BRAT1: variants seen among roughly 807,000 people sequenced by gnomAD.
BRAT1 encodes the protein integrator complex assembly factor BRAT1.
BRAT1 carries 74 observed loss-of-function variants against 70.6 expected under a neutral mutation model. That is an observed-to-expected ratio of 1.05 (90% CI 0.87 to 1.27). The LOEUF (loss-of-function observed/expected upper bound fraction) is 1.27, where lower values mean the gene tolerates loss of function less well. Among genes scored for constraint, BRAT1 ranks in the 50% most tolerant of loss-of-function variants. The pLI, the probability that BRAT1 is intolerant of heterozygous loss-of-function variation, is 0.00. For synonymous variants in BRAT1, 615 were observed against 517.1 expected (o/e 1.19, Z -2.57); for missense variants, 1,203 against 1,098.2 (o/e 1.10, Z -1.35).
chr7:2,540,080 G>A lies in BRAT1; in HGVS notation c.1396-192C>T, dbSNP rs1779031189. On this transcript the variant is annotated intron_variant, in intron 10 of 13. Coordinates refer to ENST00000340611, the MANE Select transcript of BRAT1 (RefSeq NM_152743.4). ...CTCAATGTGTCATCCAGGCTGGACT[G>A]CAATCACAGTTCACTGCAGCCTCCA... 3 of 531,760 alleles carry A rather than the reference G, an allele frequency of 5.6e-6. No individual in the cohort carries two copies. The South Asian group carries it at 7.8e-5, about 14-fold the overall frequency. 32.9% of individuals were successfully genotyped at this position (531,760 alleles called of 1,614,324 possible).
intron 2 of BRAT1, among the ~76,000 whole-genome samples, chr7:2,553,635 A>G (rs533346640): frequency 6.6e-6 from 1 of 152,052 alleles, no homozygotes; most frequent in African/African-American, 2.4e-5. Flanking sequence ...GTTTTAAAGA[A>G]CATGTATTAC....
intron 2 of BRAT1, among the ~76,000 whole-genome samples, chr7:2,550,849 A>T (rs1779953648): frequency 6.6e-6 from 1 of 152,134 alleles, no homozygotes; most frequent in Admixed American, 6.6e-5. Flanking sequence ...CCATTTATTT[A>T]TTTATTTTGT....
chr7:2,539,509 C>T lies in BRAT1; in HGVS notation c.1597+35G>A, dbSNP rs373611568. On this transcript the variant is annotated intron_variant, in intron 12 of 13. Transcript: ENST00000340611. ...CCTGGCTCAGTGAGCCCCCCACAGGCGGGGAAGGCAGCCCCTCCACCTGCC... is the reference window on the plus strand; with the variant it reads ...CCTGGCTCAGTGAGCCCCCCACAGGTGGGGAAGGCAGCCCCTCCACCTGCC... The T allele has an allele frequency of 2.1e-4, 321 of 1,524,768 alleles. 3 individuals are homozygous for T. The African/African-American group carries it at 3.7e-3, about 18-fold the overall frequency. 94.5% of individuals were successfully genotyped at this position (1,524,768 alleles called of 1,614,324 possible).
chr7:2,542,299 A>C, intron 6 of BRAT1, 88 bp from the exon 7 acceptor site: 2 of 1,136,756 alleles, frequency 1.8e-6, no homozygotes, highest in Non-Finnish European at 2.6e-6. Context: ...CCTGGGGCAA[A>C]TCAGCCAGGG....
chr7:2,555,336 C>G (rs1009094030), intron 1 of BRAT1, among the ~76,000 whole-genome samples, 151 bp downstream of exon 1: 7 of 152,172 alleles, frequency 4.6e-5, no homozygotes, highest in Admixed American at 2.6e-4. Context: ...GGCGCCAGAG[C>G]AGGCGGCCAC....
intron 10 of BRAT1, 54 bp downstream of exon 10, chr7:2,540,925 G>C (rs1214722468): frequency 6.9e-7 from 1 of 1,450,386 alleles, no homozygotes; most frequent in African/African-American, 1.5e-5. Context: ...TCAGGGGTGG[G>C]TCCCACTGCC....
intron 4 of BRAT1, chr7:2,544,200 GTTTT>G (rs1172630697): frequency 5.5e-4 from 60 of 108,622 alleles, no homozygotes; most frequent in Middle Eastern, 4.8e-3. Context: ...CCTTCTTGTT[GTTTT>G]TTTTTTTTTT....
chr7:2,543,694 C>T lies in BRAT1; in HGVS notation c.699G>A (p.Thr233=), dbSNP rs61753095. The part of the protein sequence containing the change: ...TTFGRCQSPW[T]EALWVRLSPR... ...GACTCAGCCGCACCCACAGGGCTTC[C>T]GTCCAGGGGCTCTGGCAGCGCCCGA... The change falls in exon 5 of 14, where the codon ACG becomes ACA. Residue 233 remains threonine, a synonymous_variant. Coordinates refer to ENST00000340611, the MANE Select transcript of BRAT1 (RefSeq NM_152743.4). The surrounding 1 kb of genome is among the most constrained non-coding windows in gnomAD (Gnocchi z 5.5). The T allele has an allele frequency of 0.19, 302,814 of 1,569,366 alleles. 31,752 individuals are homozygous for T. The highest frequency in any genetic ancestry group is 0.21 in the Non-Finnish European group (243,753 of 1,151,610).
intron 10 of BRAT1, 66 bp from the exon 11 acceptor site, chr7:2,539,954 C>T (rs1477900259): frequency 1.7e-6 from 2 of 1,208,252 alleles, no homozygotes; most frequent in Non-Finnish European, 2.3e-6. Flanking sequence ...GTCTGTCCCC[C>T]TCGCCTTCAC....
rs1190090047 is a variant in BRAT1, at chr7:2,543,088, C to T, written c.923+116G>A. ...ACCACCCAGTCACACCCCGCACGGC[C>T]GCCTGACTGTCCCTGGTGTCCGGAA... On this transcript the variant is annotated intron_variant, in intron 6 of 13. Coordinates refer to ENST00000340611, the MANE Select transcript of BRAT1 (RefSeq NM_152743.4). This position sits in a 1 kb window ranked among gnomAD's most constrained non-coding sequence, Gnocchi z 5.5. The T allele has an allele frequency of 1.0e-5, 14 of 1,368,600 alleles. No individual in the cohort carries two copies. The highest frequency in any genetic ancestry group is 3.1e-5 in the South Asian group (2 of 64,864). 84.8% of individuals were successfully genotyped at this position (1,368,600 alleles called of 1,614,324 possible). A position where few individuals can be genotyped will look rare whatever the true frequency, so the allele number is the denominator to read the frequency against.
chr7:2,547,284 C>G (rs1779685317), intron 3 of BRAT1, 40 bp downstream of exon 3: 1 of 1,607,172 alleles, frequency 6.2e-7, no homozygotes, highest in African/African-American at 1.3e-5. Context: ...AGCCTGCCCA[C>G]CTCTCCACGG....
chr7:2,552,743 ATT>A (rs375674149), intron 2 of BRAT1, among the ~76,000 whole-genome samples: 1 of 145,152 alleles, frequency 6.9e-6, no homozygotes. Context: ...TTATGACACT[ATT>A]TTTTTTTTTT....
chr7:2,547,998 C>A (rs1232210037), intron 2 of BRAT1, among the ~76,000 whole-genome samples: 1 of 150,666 alleles, frequency 6.6e-6, no homozygotes, highest in South Asian at 2.1e-4. Context: ...GCAGGAGAAT[C>A]GCTTGAACCT....
chr7:2,551,261 C>CTA (rs897154463), intron 2 of BRAT1, among the ~76,000 whole-genome samples: 9 of 148,012 alleles, frequency 6.1e-5, no homozygotes, highest in South Asian at 4.2e-4. Context: ...AAATCTATAT[C>CTA]TATATATATA....
Position 2,544,910 on chromosome 7 carries a change from A to G in BRAT1, c.429T>C (p.His143=), listed in dbSNP as rs1287982059. 5.2e-6 allele frequency: 8 copies of G among 1,549,770 alleles called. No individual in the cohort carries two copies. Among genetic ancestry groups the G allele is most frequent in the Non-Finnish European group, 7.0e-6 (8 of 1,146,924 alleles). Residue 143 remains histidine, a splice_region_variant and synonymous_variant, in exon 4 of 14, where the codon CAT becomes CAC. Transcript: ENST00000340611. The part of the protein sequence containing the change: ...HPSALRFLAD[H]GAVDTIFSLQ... ...GGGGTGGGGTGTGGGCGCACTCACC[A>G]TGGTCGGCCAGGAAGCGCAGGGCGC... is the stretch of plus-strand genomic sequence containing the variant.
At chr7:2,540,886 C>A in intron 10 of BRAT1, 93 bp downstream of exon 10, 1 of 1,267,450 alleles carries the variant, frequency 7.9e-7, no homozygotes, top group Admixed American at 3.6e-5. Context: ...AGGCCCCATC[C>A]GCAGAGGCCT....
chr7:2,543,408 C>T lies in BRAT1; in HGVS notation c.804-85G>A, dbSNP rs1053600024. 6.7e-6 allele frequency: 10 copies of T among 1,500,628 alleles called. No individual in the cohort carries two copies. The highest frequency in any genetic ancestry group is 6.6e-5 in the Admixed American group (3 of 45,632). 93.0% of individuals were successfully genotyped at this position (1,500,628 alleles called of 1,614,324 possible). A position where few individuals can be genotyped will look rare whatever the true frequency, so the allele number is the denominator to read the frequency against. On this transcript the variant is annotated intron_variant, in intron 5 of 13. Coordinates refer to ENST00000340611, the MANE Select transcript of BRAT1 (RefSeq NM_152743.4). The surrounding 1 kb of genome is among the most constrained non-coding windows in gnomAD (Gnocchi z 5.5). ...CTGGCTGAGACTGCCATGGCTCCGGCACTGGAGGCGCCCAGCCCAAGACAG... is the reference window on the plus strand; with the variant it reads ...CTGGCTGAGACTGCCATGGCTCCGGTACTGGAGGCGCCCAGCCCAAGACAG...
At chr7:2,539,020 C>T (rs1778923197) in intron 13 of BRAT1, 159 bp downstream of exon 13, 1 of 1,435,492 alleles carries the variant, frequency 7.0e-7, no homozygotes, top group African/African-American at 1.4e-5. Flanking sequence ...GGTCCCACAC[C>T]CAGCACAGCC....
In BRAT1 at chr7:2,543,356, C is replaced by T; in HGVS notation, c.804-33G>A. Reference sequence around the variant, plus strand: ...GAGACCCCAGAGAGAAAAATTACTCCCCCACCCTCAAAACCCCATTCGAGG... The same window carrying T: ...GAGACCCCAGAGAGAAAAATTACTCTCCCACCCTCAAAACCCCATTCGAGG... On this transcript the variant is annotated intron_variant, in intron 5 of 13. Transcript: ENST00000340611. This position sits in a 1 kb window ranked among gnomAD's most constrained non-coding sequence, Gnocchi z 5.5. 3 of 1,549,798 alleles carry T rather than the reference C, an allele frequency of 1.9e-6. No homozygotes were observed. The highest frequency in any genetic ancestry group is 2.6e-6 in the Non-Finnish European group (3 of 1,146,896).
Sources: allele counts gnomAD v4.1 joint callset (sites outside exome capture counted in the v4.1 genomes callset), GRCh38; gene constraint gnomAD v4.1.1; non-coding constraint Gnocchi (gnomAD v3.1); transcripts MANE v1.5; gene names NCBI Gene and HGNC (gene_info 2026-07-23, HGNC 2026-07-21).